CDIP1: variants seen among roughly 807,000 people sequenced by gnomAD.
CDIP1 encodes the protein cell death-inducing p53-target protein 1.
In CDIP1, 9 loss-of-function variants were observed where a neutral mutation model predicts 17.7. The observed-to-expected ratio is 0.51, with a 90% CI of 0.31 to 0.89. The LOEUF is 0.89. Among genes scored for constraint, CDIP1 ranks in the 40% least tolerant of loss-of-function variants. The pLI, the probability that CDIP1 is intolerant of heterozygous loss-of-function variation, is 0.05. For missense variants in CDIP1, 263 were observed against 277.9 expected, an observed-to-expected ratio of 0.95 and a Z score of 0.38; for synonymous variants, 117 against 109.5, an observed-to-expected ratio of 1.07 and a Z score of -0.43.
At chr16:4,537,381 C>T (rs2059119147) in intron 1 of CDIP1, among the ~76,000 whole-genome samples, 1 of 152,204 alleles carries the variant, frequency 6.6e-6, no homozygotes, top group African/African-American at 2.4e-5. Flanking sequence ...TGGGCATAAC[C>T]TTTCCGATTA....
chr16:4,516,695 ATCC>A (rs2058891330), intron 1 of CDIP1, among the ~76,000 whole-genome samples: 1 of 137,512 alleles, frequency 7.3e-6, no homozygotes, highest in African/African-American at 2.7e-5. Flanking sequence ...ACAGTTTTAA[ATCC>A]TTTTTTTTTT....
chr16:4,531,042 T>C lies in CDIP1; in HGVS notation c.-105+7660A>G, dbSNP rs148482246. On this transcript the variant is annotated intron_variant, in intron 1 of 5. Transcript: ENST00000567695. The stretch of plus-strand genomic sequence containing the variant: ...ACTGCCATCTGCTTGGCCATGTATA[T>C]ATTTCTCTATGACTCAGACATCAGA... Among the ~76,000 whole-genome samples the C allele has an allele frequency of 7.1e-3, 1,071 of 151,822 alleles. 13 individuals are homozygous for C. Among genetic ancestry groups the C allele is most frequent in the Non-Finnish European group, 9.4e-3 (639 of 67,960 alleles).
chr16:4,526,631 C>T lies in CDIP1; in HGVS notation c.-104-11967G>A, dbSNP rs1376640562. 4.0e-5 allele frequency among the ~76,000 whole-genome samples: 6 copies of T among 150,922 alleles called. No individual in the cohort carries two copies. The South Asian group carries it at 1.0e-3, about 26-fold the overall frequency. On this transcript the variant is annotated intron_variant, in intron 1 of 5. Coordinates refer to ENST00000567695, the MANE Select transcript of CDIP1 (RefSeq NM_013399.3). ...AGGAGAATGGTGCAAACCCGGGAGG[C>T]GGAGCTTGCAGTGAGCTGAGATCGC...
intron 1 of CDIP1, among the ~76,000 whole-genome samples, chr16:4,529,366 G>C (rs2059031816): frequency 6.6e-6 from 1 of 152,200 alleles, no homozygotes; most frequent in Non-Finnish European, 1.5e-5. Flanking sequence ...GAGTGATAGA[G>C]CCCATGCTGA....
At chr16:4,522,928 C>T (rs2058965444) in intron 1 of CDIP1, among the ~76,000 whole-genome samples, 1 of 152,216 alleles carries the variant, frequency 6.6e-6, no homozygotes, top group African/African-American at 2.4e-5. Context: ...AGTTCAAACC[C>T]ACCTTGGAGG....
rs1222153609 is a variant in CDIP1 at position 4,512,999 on chromosome 16, C to G, written c.307G>C (p.Gly103Arg). ...GYYPPGPYTP[G>R]PYPGPGGHTA... The stretch of plus-strand genomic sequence containing the variant: ...TGGCCCCCAGGGCCAGGGTAGGGCC[C>G]TGGCGTGTAGGGCCCTGGGGGGTAG... The change falls in exon 5 of 6, where the codon GGG becomes CGG. Residue 103 changes from glycine (G) to arginine (R), a missense_variant. Gly to Arg is a moderately radical substitution (Grantham distance 125). Transcript: ENST00000567695. This position sits in a 1 kb window ranked among gnomAD's most constrained non-coding sequence, Gnocchi z 4.6. 1 of 1,590,898 alleles carries G rather than the reference C, an allele frequency of 6.3e-7. No individual in the cohort carries two copies. Among genetic ancestry groups the G allele is most frequent in the Non-Finnish European group, 8.5e-7 (1 of 1,170,264 alleles).
At position 4,511,114 on chromosome 16, in the gene CDIP1, G is replaced by T. The variant is rs1230435498; in HGVS notation, c.*1458C>A. The T allele has an allele frequency of 6.6e-6, 1 of 152,194 alleles. No homozygotes were observed. Among genetic ancestry groups the T allele is most frequent in the Non-Finnish European group, 1.5e-5 (1 of 68,066 alleles). The allele number at this position is 152,194 out of a possible 1,614,324, so 9.4% of individuals were successfully genotyped here. ...CGTGTGCCCTGGCCCAGTCACAGCTGGAAATCCCAGGGCTGGTCTACACCC... is the reference window on the plus strand; with the variant it reads ...CGTGTGCCCTGGCCCAGTCACAGCTTGAAATCCCAGGGCTGGTCTACACCC... On this transcript the variant is annotated 3_prime_UTR_variant, in exon 6 of 6. Transcript: ENST00000567695.
intron 1 of CDIP1, among the ~76,000 whole-genome samples, chr16:4,530,733 T>C (rs975166929): frequency 6.6e-6 from 1 of 151,872 alleles, no homozygotes; most frequent in East Asian, 1.9e-4. Flanking sequence ...CTCAGCACTT[T>C]GGGAAGTCAA....
chr16:4,521,987 C>G (rs1375892299), intron 1 of CDIP1, among the ~76,000 whole-genome samples: 4 of 152,210 alleles, frequency 2.6e-5, no homozygotes, highest in African/African-American at 4.8e-5. Flanking sequence ...GGGAGGAAAA[C>G]AACAGGTATT....
chr16:4,537,818 G>A (rs936774817), intron 1 of CDIP1, among the ~76,000 whole-genome samples: 3 of 152,214 alleles, frequency 2.0e-5, no homozygotes, highest in African/African-American at 7.2e-5. Context: ...CACCTGTTGA[G>A]AAGCCCCCCA....
In CDIP1 at chr16:4,513,856, A is replaced by G. The variant is rs1330869185; in HGVS notation, c.86-5T>C. ...TCACAGCTGGGGAGGAACGGCCTGG[A>G]CAGAGAGAGGCAGAAAGAGGAGACT... is the stretch of plus-strand genomic sequence containing the variant. On this transcript the variant is annotated splice_region_variant and splice_polypyrimidine_tract_variant and intron_variant, in intron 3 of 5. Coordinates refer to ENST00000567695, the MANE Select transcript of CDIP1 (RefSeq NM_013399.3). The surrounding 1 kb of genome is among the most constrained non-coding windows in gnomAD (Gnocchi z 4.1). 6.4e-7 allele frequency: 1 copy of G among 1,559,246 alleles called. No individual in the cohort carries two copies. The highest frequency in any genetic ancestry group is 8.7e-7 in the Non-Finnish European group (1 of 1,154,972).
chr16:4,529,853 C>A (rs1369442583), intron 1 of CDIP1, among the ~76,000 whole-genome samples: 1 of 152,224 alleles, frequency 6.6e-6, no homozygotes, highest in African/African-American at 2.4e-5. Flanking sequence ...TCACGGCCAC[C>A]CAGGTGGAAG....
intron 1 of CDIP1, among the ~76,000 whole-genome samples, chr16:4,519,951 A>G (rs774153880): frequency 1.3e-5 from 2 of 152,168 alleles, no homozygotes; most frequent in Non-Finnish European, 2.9e-5. Flanking sequence ...TTTTCTTTAT[A>G]AATTACTCAG....
At chr16:4,516,133 C>G (rs2058884965) in intron 1 of CDIP1, among the ~76,000 whole-genome samples, 1 of 152,208 alleles carries the variant, frequency 6.6e-6, no homozygotes, top group South Asian at 2.1e-4. Context: ...AGCATGAACT[C>G]TGAAAACATG....
chr16:4,527,233 GC>G (rs1276924368), intron 1 of CDIP1, among the ~76,000 whole-genome samples: 1 of 151,856 alleles, frequency 6.6e-6, no homozygotes, highest in Non-Finnish European at 1.5e-5. Context: ...GACTACAGGC[GC>G]CCGCCAACAC....
rs1350408498 is a variant in CDIP1 at position 4,514,719 on chromosome 16, C to T, written c.-104-55G>A. The stretch of plus-strand genomic sequence containing the variant: ...TCAGCAGGGAGCAAGGGCTGCCAAG[C>T]CAGGGCTGGGCCCAGGGGCCTGGGC... On this transcript the variant is annotated intron_variant, in intron 1 of 5. Transcript: ENST00000567695. The surrounding 1 kb of genome is among the most constrained non-coding windows in gnomAD (Gnocchi z 5.2). 6.5e-6 allele frequency: 1 copy of T among 152,944 alleles called. No individual in the cohort carries two copies. The highest frequency in any genetic ancestry group is 2.4e-5 in the African/African-American group (1 of 41,478). 9.5% of individuals were successfully genotyped at this position (152,944 alleles called of 1,614,324 possible). A position where few individuals can be genotyped will look rare whatever the true frequency, so the allele number is the denominator to read the frequency against.
intron 1 of CDIP1, among the ~76,000 whole-genome samples, chr16:4,534,027 T>C (rs1188046389): frequency 6.6e-6 from 1 of 152,106 alleles, no homozygotes; most frequent in African/African-American, 2.4e-5. Context: ...CTCGGCTAGC[T>C]GCAACCCCCA....
chr16:4,518,780 C>A (rs758782976), intron 1 of CDIP1, among the ~76,000 whole-genome samples: 1 of 152,212 alleles, frequency 6.6e-6, no homozygotes, highest in Non-Finnish European at 1.5e-5. Flanking sequence ...TTCAATCACA[C>A]GATCAGAAGC....
intron 1 of CDIP1, chr16:4,538,393 G>C (rs863501): frequency 0.34 from 51,506 of 152,012 alleles, 9,543 homozygotes; most frequent in African/African-American, 0.47. Flanking sequence ...GGCGCCGGCA[G>C]AACAAGACCC....
Sources: gnomAD v4.1 joint callset for allele counts (sites outside exome capture counted in the v4.1 genomes callset) on GRCh38, gnomAD v4.1.1 for gene constraint, Gnocchi (gnomAD v3.1) non-coding constraint, MANE v1.5 for transcripts, NCBI Gene and HGNC (gene_info 2026-07-23, HGNC 2026-07-21) for gene names.